CCDC106: variants seen among roughly 807,000 people sequenced by gnomAD.
CCDC106 encodes the protein coiled-coil domain-containing protein 106.
CCDC106 carries 17 observed loss-of-function variants against 24.7 expected under a neutral mutation model. The observed-to-expected ratio is 0.69, with a 90% confidence interval of 0.47 to 1.03. CCDC106 has a LOEUF of 1.03. CCDC106 is among the 50% of genes least tolerant of loss of function. CCDC106 has a pLI of 0.00. For synonymous variants in CCDC106, 211 were observed against 161.3 expected (o/e 1.31, Z -2.34); for missense variants, 337 against 388.9 (o/e 0.87, Z 1.12).
chr19:55,653,084 G>C lies in CCDC106; in HGVS notation c.*338G>C, dbSNP rs1368037403. ...GAGCTGCCCACCTGATTCCCGGACAGACCTCCCCAACTCCGCGTGAGACAG... is the reference window on the plus strand; with the variant it reads ...GAGCTGCCCACCTGATTCCCGGACACACCTCCCCAACTCCGCGTGAGACAG... On this transcript the variant is annotated 3_prime_UTR_variant, in exon 5 of 5. Transcript: ENST00000586790. 1 of 269,340 alleles carries C rather than the reference G, an allele frequency of 3.7e-6. No individual in the cohort carries two copies. Among genetic ancestry groups the C allele is most frequent in the Non-Finnish European group, 7.0e-6 (1 of 142,696 alleles). The allele number at this position is 269,340 out of a possible 1,614,324, so 16.7% of individuals were successfully genotyped here.
rs1423552444 is a variant in CCDC106 at position 55,651,467 on chromosome 19, G to A, written c.498G>A (p.Gly166=). The A allele has an allele frequency of 6.3e-7, 1 of 1,592,452 alleles. No homozygotes were observed. The highest frequency in any genetic ancestry group is 1.3e-5 in the African/African-American group (1 of 74,804). ...QKGGASRRRF[G]KPKARERQRV... ...GAGGTGCTAGTCGGAGGCGCTTTGG[G>A]AAGCCCAAGGCCCGGGAGAGGCAGC... Residue 166 remains glycine, a synonymous_variant, in exon 4 of 5, where the codon GGG becomes GGA. Transcript: ENST00000586790.
At chr19:55,649,137 C>T (rs1009526384) in intron 1 of CCDC106, 60 bp downstream of exon 1, 10 of 1,610,926 alleles carry the variant, frequency 6.2e-6, no homozygotes, top group South Asian at 2.2e-5. Flanking sequence ...TCCAGGCTGC[C>T]GTGGTTGGGG....
At chr19:55,650,485 C>T (rs1296422309) in intron 3 of CCDC106, among the ~76,000 whole-genome samples, 3 of 152,176 alleles carry the variant, frequency 2.0e-5, no homozygotes, top group Non-Finnish European at 2.9e-5. Flanking sequence ...AGCTCCTTGG[C>T]TGGGAAGACC....
At position 55,648,618 on chromosome 19, in the gene CCDC106, C is replaced by T; in HGVS notation, c.-429C>T. On this transcript the variant is annotated 5_prime_UTR_variant, in exon 1 of 5. Coordinates refer to ENST00000586790, the MANE Select transcript of CCDC106 (RefSeq NM_001370470.1). ...GGGAAGTTGGGGCAGTTTCCCCCTGCACCTGCCTCTTCCTTAGGCCTGGCA... is the reference window on the plus strand; with the variant it reads ...GGGAAGTTGGGGCAGTTTCCCCCTGTACCTGCCTCTTCCTTAGGCCTGGCA... 4.8e-6 allele frequency: 1 copy of T among 209,790 alleles called. No individual in the cohort carries two copies. The highest frequency in any genetic ancestry group is 1.2e-4 in the East Asian group (1 of 8,346). The allele number at this position is 209,790 out of a possible 1,614,324, so 13.0% of individuals were successfully genotyped here. A position where few individuals can be genotyped will look rare whatever the true frequency, so the allele number is the denominator to read the frequency against.
In CCDC106 at chr19:55,651,394, C is replaced by A. The variant is rs752759766; in HGVS notation, c.425C>A (p.Ala142Glu). Residue 142 changes from alanine to glutamate, a missense_variant, in exon 4 of 5, where the codon GCG (alanine) becomes GAG (glutamate). Physicochemically the swap from Ala to Glu is moderately radical, Grantham distance 107. Transcript: ENST00000586790. ...TCAGCAGCCTCCTCCCTCAGCGGAG[C>A]GTCCGAAGAAGGCAGCGCCAGTGAG... ...PESAASSLSG[A>E]SEEGSASERR... is the part of the protein sequence containing the mutation. 7 of 1,611,320 alleles carry A rather than the reference C, an allele frequency of 4.3e-6. No individual in the cohort carries two copies. Among genetic ancestry groups the A allele is most frequent in the Non-Finnish European group, 5.9e-6 (7 of 1,178,930 alleles).
rs1041527973 is a variant in CCDC106 at position 55,648,233 on chromosome 19, A to C, written c.-814A>C. On this transcript the variant is annotated 5_prime_UTR_variant, in exon 1 of 5. An upstream start codon of the reference 5' UTR is lost. Transcript: ENST00000586790. ...TTGCAGACGCTCCCCGGCGCCGGGCATGGGCGCCGCCGCCGTCGGTCCCCG... is the reference window on the plus strand; with the variant it reads ...TTGCAGACGCTCCCCGGCGCCGGGCCTGGGCGCCGCCGCCGTCGGTCCCCG... The C allele has an allele frequency of 7.3e-5, 11 of 151,676 alleles. No individual in the cohort carries two copies. The highest frequency in any genetic ancestry group is 1.2e-4 in the Non-Finnish European group (8 of 67,860). The allele number at this position is 151,676 out of a possible 1,614,324, so 9.4% of individuals were successfully genotyped here.
rs1983436445 is a variant in CCDC106, at chr19:55,652,948, G to A, written c.*202G>A. On this transcript the variant is annotated 3_prime_UTR_variant, in exon 5 of 5. Coordinates refer to ENST00000586790, the MANE Select transcript of CCDC106 (RefSeq NM_001370470.1). This position sits in a 1 kb window ranked among gnomAD's most constrained non-coding sequence, Gnocchi z 5.9. ...GCCGGCACCCCCTTCCGCTTGGGCT[G>A]CCCAGCCCTGTCCTCGCCGGGCCCC... 3.5e-6 allele frequency: 2 copies of A among 564,912 alleles called. No individual in the cohort carries two copies. Among genetic ancestry groups the A allele is most frequent in the Non-Finnish European group, 6.3e-6 (2 of 319,146 alleles). The allele number at this position is 564,912 out of a possible 1,614,324, so 35.0% of individuals were successfully genotyped here. A position where few individuals can be genotyped will look rare whatever the true frequency, so the allele number is the denominator to read the frequency against.
chr19:55,649,061 C>CAGTCGG lies in CCDC106; in HGVS notation c.18_23dup (p.Ser6_Arg7dup), dbSNP rs1282760354. On this transcript the variant is annotated inframe_insertion, in exon 1 of 5. Transcript: ENST00000586790. Reference sequence around the variant, plus strand: ...GAAGCCGCGCCATGAATGACCGGAGCAGTCGGAGGCGGACAAGTGAGGAAG... The same window carrying CAGTCGG: ...GAAGCCGCGCCATGAATGACCGGAGCAGTCGGAGTCGGAGGCGGACAAGTGAGGAAG... 6.2e-7 allele frequency: 1 copy of CAGTCGG among 1,613,620 alleles called. No individual in the cohort carries two copies. The highest frequency in any genetic ancestry group is 1.3e-5 in the African/African-American group (1 of 74,918).
intron 3 of CCDC106, 107 bp from the exon 4 acceptor site, chr19:55,651,176 A>G (rs1600058152): frequency 3.5e-6 from 3 of 862,640 alleles, no homozygotes; most frequent in East Asian, 5.0e-5. Context: ...TTAGGGGACC[A>G]GCCCAGGTTG....
rs978886620 is a variant in CCDC106, at chr19:55,648,889, C to T, written c.-158C>T. On this transcript the variant is annotated 5_prime_UTR_variant, in exon 1 of 5. Transcript: ENST00000586790. ...GTCCTGGGGTCCAGGCTCCCTCCTC[C>T]CTCAGACCAGGGGTCCAGGCCAGAA... is the stretch of plus-strand genomic sequence containing the variant. 6 of 754,698 alleles carry T rather than the reference C, an allele frequency of 8.0e-6. No homozygotes were observed. The highest frequency in any genetic ancestry group is 1.6e-5 in the South Asian group (1 of 63,898). 46.8% of individuals were successfully genotyped at this position (754,698 alleles called of 1,614,324 possible). A position where few individuals can be genotyped will look rare whatever the true frequency, so the allele number is the denominator to read the frequency against.
intron 3 of CCDC106, 197 bp downstream of exon 3, chr19:55,649,781 T>C (rs1049182160): frequency 6.8e-6 from 4 of 590,764 alleles, no homozygotes; most frequent in Non-Finnish European, 1.2e-5. Flanking sequence ...CCCCATGAAC[T>C]GTCTACTGGG....
chr19:55,652,610 T>G lies in CCDC106; in HGVS notation c.707T>G (p.Phe236Cys). The G allele has an allele frequency of 6.2e-7, 1 of 1,612,570 alleles. No homozygotes were observed. The highest frequency in any genetic ancestry group is 8.5e-7 in the Non-Finnish European group (1 of 1,179,818). The change falls in exon 5 of 5, where the codon TTC becomes TGC. Residue 236 changes from phenylalanine to cysteine, a missense_variant. By Grantham distance (205) the Phe-to-Cys change is radical. Transcript: ENST00000586790. The surrounding 1 kb of genome is among the most constrained non-coding windows in gnomAD (Gnocchi z 5.9). ...APEKLAEVGE[F>C]DPSKERLLEY... Reference sequence around the variant, plus strand: ...GAGAAGCTGGCCGAGGTGGGCGAGTTCGACCCCTCCAAGGAGCGCCTGCTC... The same window carrying G: ...GAGAAGCTGGCCGAGGTGGGCGAGTGCGACCCCTCCAAGGAGCGCCTGCTC...
chr19:55,652,981 T>G lies in CCDC106; in HGVS notation c.*235T>G. 1 of 490,526 alleles carries G rather than the reference T, an allele frequency of 2.0e-6. No individual in the cohort carries two copies. 30.4% of individuals were successfully genotyped at this position (490,526 alleles called of 1,614,324 possible). A position where few individuals can be genotyped will look rare whatever the true frequency, so the allele number is the denominator to read the frequency against. On this transcript the variant is annotated 3_prime_UTR_variant, in exon 5 of 5. Transcript: ENST00000586790. The surrounding 1 kb of genome is among the most constrained non-coding windows in gnomAD (Gnocchi z 5.9). Reference sequence around the variant, plus strand: ...CTGTCCTCGCCGGGCCCCTTCCTCCTGGAAAACCAGGCAGGCGGGTGCCCC... The same window carrying G: ...CTGTCCTCGCCGGGCCCCTTCCTCCGGGAAAACCAGGCAGGCGGGTGCCCC...
rs1267579305 is a variant in CCDC106 at position 55,649,025 on chromosome 19, G to A, written c.-22G>A. 4.3e-6 allele frequency: 7 copies of A among 1,612,326 alleles called. No homozygotes were observed. The highest frequency in any genetic ancestry group is 3.4e-6 in the Non-Finnish European group (4 of 1,179,696). Reference sequence around the variant, plus strand: ...AGTGCCCCTGAGGCCCTCGGCTGCTGGGGTCCGTAGGAAGCCGCGCCATGA... The same window carrying A: ...AGTGCCCCTGAGGCCCTCGGCTGCTAGGGTCCGTAGGAAGCCGCGCCATGA... On this transcript the variant is annotated 5_prime_UTR_variant, in exon 1 of 5. Coordinates refer to ENST00000586790, the MANE Select transcript of CCDC106 (RefSeq NM_001370470.1).
In CCDC106 at chr19:55,651,579, C is replaced by T. The variant is rs1223818370; in HGVS notation, c.526+84C>T. 5.4e-6 allele frequency: 5 copies of T among 931,812 alleles called. No homozygotes were observed. The African/African-American group carries it at 8.3e-5, about 15-fold the overall frequency. 57.7% of individuals were successfully genotyped at this position (931,812 alleles called of 1,614,324 possible). A position where few individuals can be genotyped will look rare whatever the true frequency, so the allele number is the denominator to read the frequency against. ...CCTTCCCAGAGGTCCCCCTTTCTCT[C>T]CAAGCCCCTCCAGCCTTGCTGGAGA... On this transcript the variant is annotated intron_variant, in intron 4 of 4. Transcript: ENST00000586790.
chr19:55,649,770 TC>T, intron 3 of CCDC106, 186 bp downstream of exon 3: 1 of 607,738 alleles, frequency 1.6e-6, no homozygotes, highest in Non-Finnish European at 2.9e-6. Context: ...CAGGGCCTCA[TC>T]CCCATGAACT....
intron 4 of CCDC106, 117 bp downstream of exon 4, chr19:55,651,612 A>C (rs1983283367): frequency 2.9e-6 from 2 of 693,244 alleles, no homozygotes; most frequent in Non-Finnish European, 4.8e-6. Context: ...AGAAAGACCC[A>C]CCGGGTTCTG....
In CCDC106 at chr19:55,652,683, G is replaced by A. The variant is rs1239215496; in HGVS notation, c.780G>A (p.Lys260=). 6.2e-7 allele frequency: 1 copy of A among 1,613,080 alleles called. No individual in the cohort carries two copies. Among genetic ancestry groups the A allele is most frequent in the Non-Finnish European group, 8.5e-7 (1 of 1,179,928 alleles). Residue 260 remains lysine, a synonymous_variant, in exon 5 of 5, where the codon AAG becomes AAA. Coordinates refer to ENST00000586790, the MANE Select transcript of CCDC106 (RefSeq NM_001370470.1). The surrounding 1 kb of genome is among the most constrained non-coding windows in gnomAD (Gnocchi z 5.9). Reference sequence around the variant, plus strand: ...TGGCCCTGGACGACGAGACGCTCAAGAAGGTGCAGGCGCTCAAGAAGAGCA... The same window carrying A: ...TGGCCCTGGACGACGAGACGCTCAAAAAGGTGCAGGCGCTCAAGAAGAGCA... ...CFLALDDETL[K]KVQALKKSKL...
At position 55,652,731 on chromosome 19, in the gene CCDC106, C is replaced by T. The variant is rs776976633; in HGVS notation, c.828C>T (p.Tyr276=). The T allele has an allele frequency of 5.0e-6, 8 of 1,611,610 alleles. No homozygotes were observed. The highest frequency in any genetic ancestry group is 6.8e-6 in the Non-Finnish European group (8 of 1,179,348). ...GCAAGCTGCTGCTGCCCATCACCTA[C>T]CGCTTCAAGCGGTGATCGCACCACG... ...KKSKLLLPIT[Y]RFKR Residue 276 remains tyrosine, a synonymous_variant, in exon 5 of 5, where the codon TAC becomes TAT. Coordinates refer to ENST00000586790, the MANE Select transcript of CCDC106 (RefSeq NM_001370470.1). This position sits in a 1 kb window ranked among gnomAD's most constrained non-coding sequence, Gnocchi z 5.9.
Sources: allele counts gnomAD v4.1 joint callset (sites outside exome capture counted in the v4.1 genomes callset), GRCh38; gene constraint gnomAD v4.1.1; non-coding constraint Gnocchi (gnomAD v3.1); transcripts MANE v1.5; gene names NCBI Gene and HGNC (gene_info 2026-07-23, HGNC 2026-07-21).